DOCK7: variants seen among roughly 807,000 people sequenced by gnomAD.
The protein encoded by DOCK7 is dedicator of cytokinesis 7.
A neutral mutation model predicts 271.0 loss-of-function variants in DOCK7; 138 were observed. That is an observed-to-expected ratio of 0.51 (90% confidence interval 0.44 to 0.59). The LOEUF (loss-of-function observed/expected upper bound fraction) is 0.59. Ranked by LOEUF, DOCK7 falls within the 20% of genes least tolerant of loss-of-function variation. The pLI is 0.00. For missense variants in DOCK7, 2,066 were observed against 2,592.4 expected (o/e 0.80, Z 4.41); for synonymous variants, 823 against 876.1 (o/e 0.94, Z 1.07).
chr1:62,582,537 G>A (rs1299527735), intron 16 of DOCK7, among the ~76,000 whole-genome samples: 4 of 97,792 alleles, frequency 4.1e-5, no homozygotes, highest in East Asian at 3.3e-4. Flanking sequence ...GGGACAGAGC[G>A]AGACTCCGTC....
intron 1 of DOCK7, among the ~76,000 whole-genome samples, chr1:62,667,051 T>C (rs1659400710): frequency 6.6e-6 from 1 of 152,220 alleles, no homozygotes; most frequent in South Asian, 2.1e-4. Flanking sequence ...GAGAAAATTA[T>C]GTTGCATTTA....
Position 62,663,051 on chromosome 1 carries a change from C to T in DOCK7, c.118G>A (p.Val40Ile), listed in dbSNP as rs1345776990. Reference sequence around the variant, plus strand: ...GTGGTGTGATGGGATATATTGCCAACAATATTAAGGTTTTTGAGCAGTTGG... The same window carrying T: ...GTGGTGTGATGGGATATATTGCCAATAATATTAAGGTTTTTGAGCAGTTGG... ...SPQLLKNLNI[V>I]GNISHHTTVP... The change falls in exon 2 of 50, where the codon GTT becomes ATT. Residue 40 changes from valine (V) to isoleucine (I), a missense_variant. By Grantham distance (29) the Val-to-Ile change is conservative. Transcript: ENST00000635253. The T allele has an allele frequency of 1.1e-5, 18 of 1,612,132 alleles. No homozygotes were observed. The highest frequency in any genetic ancestry group is 1.4e-5 in the Non-Finnish European group (17 of 1,179,298).
chr1:62,476,684 T>C (rs1222435406), intron 44 of DOCK7, among the ~76,000 whole-genome samples: 1 of 152,190 alleles, frequency 6.6e-6, no homozygotes, highest in Admixed American at 6.5e-5. Flanking sequence ...AGGTCAAGAA[T>C]ATAGTGACTA....
intron 4 of DOCK7, among the ~76,000 whole-genome samples, chr1:62,650,170 C>T (rs553937189): frequency 2.6e-4 from 39 of 152,232 alleles, no homozygotes; most frequent in Admixed American, 1.5e-3. Context: ...ACTTTTTTCT[C>T]CACTGACTCA....
intron 41 of DOCK7, among the ~76,000 whole-genome samples, chr1:62,490,201 G>C (rs947671463): frequency 3.3e-5 from 5 of 151,412 alleles, no homozygotes; most frequent in African/African-American, 1.2e-4. Context: ...CTCCTAAGTA[G>C]CTAGGACTAC....
In DOCK7 at chr1:62,559,023, T is replaced by C. The variant is rs150172115; in HGVS notation, c.2397A>G (p.Leu799=). 6.7e-5 allele frequency: 108 copies of C among 1,613,412 alleles called. No homozygotes were observed. Among genetic ancestry groups the C allele is most frequent in the African/African-American group, 1.3e-5 (1 of 74,858 alleles). The change falls in exon 20 of 50, where the codon TTA becomes TTG. Residue 799 remains leucine, a synonymous_variant. Transcript: ENST00000635253. The stretch of plus-strand genomic sequence containing the variant: ...CAGCAATGACAGGAGGTCTAATAAC[T>C]AAAAGTATCAGTTTATCTAGCAGAA... ...LHLLLDKLIL[L]VIRPPVIAGQ...
At chr1:62,506,033 T>G (rs1646926430) in intron 35 of DOCK7, among the ~76,000 whole-genome samples, 1 of 151,876 alleles carries the variant, frequency 6.6e-6, no homozygotes, top group Non-Finnish European at 1.5e-5. Flanking sequence ...ATAATTTAAA[T>G]GAGAAAAAAC....
chr1:62,561,472 TG>T (rs1340069982), intron 19 of DOCK7, 144 bp downstream of exon 19: 100 of 395,076 alleles, frequency 2.5e-4, no homozygotes, highest in Non-Finnish European at 6.8e-5. Flanking sequence ...TTCTAAATAT[TG>T]TATGTTTTTA....
chr1:62,555,700 G>C, intron 21 of DOCK7, 125 bp downstream of exon 21: 2 of 1,004,970 alleles, frequency 2.0e-6, no homozygotes, highest in Non-Finnish European at 2.8e-6. Flanking sequence ...ATGGTACTTA[G>C]CAGGTGTTCA....
At chr1:62,647,118 G>C (rs756871204) in intron 7 of DOCK7, among the ~76,000 whole-genome samples, 51 of 152,104 alleles carry the variant, frequency 3.4e-4, no homozygotes, top group Non-Finnish European at 2.4e-4. Context: ...AAAGCTCTAT[G>C]AATTGAAACT....
chr1:62,535,541 C>A lies in DOCK7; in HGVS notation c.3563G>T (p.Gly1188Val). Residue 1188 changes from glycine to valine, a missense_variant, in exon 29 of 50, where the codon GGA (glycine) becomes GTA (valine). Transcript: ENST00000635253. Reference sequence around the variant, plus strand: ...GACAGCCAGCTCTGTTAACACAAGTCCTGCCAAATAATGCTGTTGGCGGAA... The same window carrying A: ...GACAGCCAGCTCTGTTAACACAAGTACTGCCAAATAATGCTGTTGGCGGAA... ...VPFRQQHYLA[G>V]LVLTELAVIL... 6.2e-7 allele frequency: 1 copy of A among 1,614,020 alleles called. No individual in the cohort carries two copies. Among genetic ancestry groups the A allele is most frequent in the Non-Finnish European group, 8.5e-7 (1 of 1,179,970 alleles).
intron 23 of DOCK7, among the ~76,000 whole-genome samples, chr1:62,544,232 A>G (rs1340037062): frequency 1.3e-5 from 2 of 152,320 alleles, no homozygotes; most frequent in African/African-American, 2.4e-5. Flanking sequence ...ATCATTTACA[A>G]TATTAGAAAT....
At chr1:62,601,860 T>C in intron 14 of DOCK7, 1 of 1,608,652 alleles carries the variant, frequency 6.2e-7, no homozygotes, top group Non-Finnish European at 8.5e-7. Context: ...AAGTTTTTCA[T>C]GTCTACTGTG....
At chr1:62,487,521 G>T in intron 42 of DOCK7, 109 bp from the exon 43 acceptor site, 1 of 921,294 alleles carries the variant, frequency 1.1e-6, no homozygotes, top group Non-Finnish European at 1.7e-6. Flanking sequence ...ACAGAAGACA[G>T]CAGGATATTT....
chr1:62,577,401 G>A (rs751631443), intron 17 of DOCK7, 38 bp from the exon 18 acceptor site: 4 of 1,474,248 alleles, frequency 2.7e-6, no homozygotes, highest in East Asian at 4.7e-5. Flanking sequence ...TTTTAAATAT[G>A]CTTGCTATAA....
intron 18 of DOCK7, among the ~76,000 whole-genome samples, chr1:62,573,300 T>C (rs1002903519): frequency 2.6e-5 from 4 of 152,188 alleles, no homozygotes; most frequent in African/African-American, 7.2e-5. Context: ...GTAATGATTG[T>C]AGACGATGAT....
chr1:62,586,287 C>G (rs1467583175), intron 15 of DOCK7, among the ~76,000 whole-genome samples: 5 of 152,044 alleles, frequency 3.3e-5, no homozygotes, highest in African/African-American at 1.2e-4. Context: ...AAGTCTTATT[C>G]ATCTTTGTAT....
At chr1:62,542,835 C>T in intron 24 of DOCK7, 132 bp from the exon 25 acceptor site, 1 of 663,920 alleles carries the variant, frequency 1.5e-6, no homozygotes, top group Non-Finnish European at 2.5e-6. Flanking sequence ...TTCAATGATG[C>T]ACTGAAGACA....
At chr1:62,685,155 G>C (rs1000271050) in intron 1 of DOCK7, among the ~76,000 whole-genome samples, 2 of 152,102 alleles carry the variant, frequency 1.3e-5, no homozygotes, top group African/African-American at 4.8e-5. Context: ...GCACTTTAGA[G>C]GTAACAATTC....
Sources: allele counts gnomAD v4.1 joint callset (sites outside exome capture counted in the v4.1 genomes callset), GRCh38; gene constraint gnomAD v4.1.1; transcripts MANE v1.5; gene names NCBI Gene and HGNC (gene_info 2026-07-23, HGNC 2026-07-21).